VTCN1: variants seen among roughly 807,000 people sequenced by gnomAD.
VTCN1 encodes V-set domain-containing T-cell activation inhibitor 1.
A neutral mutation model predicts 26.5 loss-of-function variants in VTCN1; 26 were observed. That is an observed-to-expected ratio of 0.98 (90% CI 0.72 to 1.36). The LOEUF (loss-of-function observed/expected upper bound fraction) is 1.36, where lower values mean the gene tolerates loss of function less well. VTCN1 is among the 40% of genes most tolerant of loss of function. The probability of loss-of-function intolerance (pLI) is 0.00; values close to 1 mark genes in which losing one functional copy is unlikely to be tolerated. For missense variants in VTCN1, 298 were observed against 337.7 expected, an observed-to-expected ratio of 0.88 and a Z score of 0.92; for synonymous variants, 116 against 130.7, an observed-to-expected ratio of 0.89 and a Z score of 0.77.
rs117262855 is a variant in VTCN1, at chr1:117,167,470, T to G, written c.97+2637A>C. 1.9e-4 allele frequency among the ~76,000 whole-genome samples: 29 copies of G among 152,378 alleles called. No individual in the cohort carries two copies. The East Asian group carries it at 5.6e-3, about 29-fold the overall frequency. Reference sequence around the variant, plus strand: ...TAGAATCATACAGAACTTACTCTTTTGTGCTCTTCTGTAGTTCCACATTAT... The same window carrying G: ...TAGAATCATACAGAACTTACTCTTTGGTGCTCTTCTGTAGTTCCACATTAT... On this transcript the variant is annotated intron_variant, in intron 2 of 5. Transcript: ENST00000369458. The surrounding 1 kb of genome is among the most constrained non-coding windows in gnomAD (Gnocchi z 4.1).
chr1:117,176,421 A>G (rs943516911), intron 1 of VTCN1, among the ~76,000 whole-genome samples: 3 of 151,482 alleles, frequency 2.0e-5, no homozygotes, highest in Non-Finnish European at 4.4e-5. Context: ...CACCTTTTCT[A>G]AAAACAAGAG....
chr1:117,179,986 T>C (rs1647591605), intron 1 of VTCN1, among the ~76,000 whole-genome samples: 1 of 152,204 alleles, frequency 6.6e-6, no homozygotes, highest in South Asian at 2.1e-4. Flanking sequence ...TTAACCATTA[T>C]CCCATATTTT....
intron 1 of VTCN1, among the ~76,000 whole-genome samples, chr1:117,209,665 C>T (rs1229994218): frequency 2.0e-5 from 3 of 152,178 alleles, no homozygotes; most frequent in Non-Finnish European, 2.9e-5. Flanking sequence ...CCCCTGCCAC[C>T]CACTGCTTCT....
intron 1 of VTCN1, among the ~76,000 whole-genome samples, chr1:117,198,522 G>GA (rs1648626261): frequency 6.6e-6 from 1 of 152,174 alleles, no homozygotes; most frequent in African/African-American, 2.4e-5. Context: ...TGGCTCCAGT[G>GA]GCTGCAGAAA....
rs529689815 is a variant in VTCN1 at position 117,147,447 on chromosome 1, T to C, written c.*45+166A>G. The stretch of plus-strand genomic sequence containing the variant: ...TGTCAATGAAGTCTATGCTGTTTGC[T>C]GACCTAACAAATGATTACCTTTCCC... On this transcript the variant is annotated intron_variant, in intron 5 of 5. Transcript: ENST00000369458. This position sits in a 1 kb window ranked among gnomAD's most constrained non-coding sequence, Gnocchi z 4.6. 6.6e-6 allele frequency among the ~76,000 whole-genome samples: 1 copy of C among 152,372 alleles called. No individual in the cohort carries two copies. The highest frequency in any genetic ancestry group is 1.9e-4 in the East Asian group (1 of 5,194).
intron 1 of VTCN1, among the ~76,000 whole-genome samples, chr1:117,194,241 C>T (rs1023849482): frequency 2.6e-5 from 4 of 151,858 alleles, no homozygotes; most frequent in African/African-American, 7.3e-5. Context: ...AAAGAAGATA[C>T]GTAAATGGCT....
At chr1:117,156,016 CT>C (rs1426407569) in intron 3 of VTCN1, among the ~76,000 whole-genome samples, 1 of 152,188 alleles carries the variant, frequency 6.6e-6, no homozygotes, top group African/African-American at 2.4e-5. Flanking sequence ...GTTTAATCAT[CT>C]TTATACTCTC....
intron 2 of VTCN1, among the ~76,000 whole-genome samples, chr1:117,165,346 TATC>T (rs1652555378): frequency 6.6e-6 from 1 of 152,226 alleles, no homozygotes. Context: ...ATTCAAAAGA[TATC>T]ATCATGATAA....
intron 1 of VTCN1, among the ~76,000 whole-genome samples, chr1:117,180,126 A>G (rs1483176777): frequency 6.6e-6 from 1 of 152,156 alleles, no homozygotes; most frequent in Non-Finnish European, 1.5e-5. Flanking sequence ...TCTCCCCCCC[A>G]GGAAGTGTCT....
intron 2 of VTCN1, among the ~76,000 whole-genome samples, chr1:117,168,704 A>G (rs1003021420): frequency 6.6e-6 from 1 of 152,200 alleles, no homozygotes; most frequent in Non-Finnish European, 1.5e-5. Context: ...AAAAAGAGAA[A>G]GACAAATACC....
chr1:117,179,838 G>A (rs554065313), intron 1 of VTCN1, among the ~76,000 whole-genome samples: 61 of 152,174 alleles, frequency 4.0e-4, no homozygotes, highest in African/African-American at 9.4e-4. Context: ...GACGACCTAC[G>A]GAGATAGATA....
intron 1 of VTCN1, among the ~76,000 whole-genome samples, chr1:117,173,962 G>C (rs954042463): frequency 1.3e-5 from 2 of 152,208 alleles, no homozygotes; most frequent in African/African-American, 2.4e-5. Context: ...ATCACCGTGA[G>C]GTTTGTTCTG....
chr1:117,178,427 TTTG>T (rs1178210803), intron 1 of VTCN1, among the ~76,000 whole-genome samples: 1 of 151,280 alleles, frequency 6.6e-6, no homozygotes, highest in East Asian at 1.9e-4. Context: ...TGGCTAATTT[TTTG>T]TATTTTTAGT....
At chr1:117,181,043 C>T (rs927619691) in intron 1 of VTCN1, among the ~76,000 whole-genome samples, 1 of 152,176 alleles carries the variant, frequency 6.6e-6, no homozygotes, top group Non-Finnish European at 1.5e-5. Context: ...CGACTTTTTC[C>T]ACAGGGCTAT....
chr1:117,188,366 TA>T (rs1648069202), intron 1 of VTCN1, among the ~76,000 whole-genome samples: 1 of 152,118 alleles, frequency 6.6e-6, no homozygotes, highest in African/African-American at 2.4e-5. Context: ...TCCTCACCAA[TA>T]GGAATAACCG....
chr1:117,193,244 T>A (rs77986007), intron 1 of VTCN1, among the ~76,000 whole-genome samples: 3 of 152,070 alleles, frequency 2.0e-5, no homozygotes, highest in Admixed American at 1.3e-4. Context: ...TAGGGATGAC[T>A]GTACTTACCT....
chr1:117,154,868 C>T (rs1474867884), intron 3 of VTCN1, among the ~76,000 whole-genome samples: 7 of 151,472 alleles, frequency 4.6e-5, no homozygotes, highest in Non-Finnish European at 1.0e-4. Flanking sequence ...CAACTAAATT[C>T]CAGATTTGAT....
At chr1:117,205,545 C>A (rs1435936677) in intron 1 of VTCN1, among the ~76,000 whole-genome samples, 1 of 152,116 alleles carries the variant, frequency 6.6e-6, no homozygotes, top group Non-Finnish European at 1.5e-5. Flanking sequence ...CAACACAGAC[C>A]AACAATCCAC....
At chr1:117,171,395 T>C (rs1452409279) in intron 1 of VTCN1, among the ~76,000 whole-genome samples, 1 of 152,186 alleles carries the variant, frequency 6.6e-6, no homozygotes, top group Non-Finnish European at 1.5e-5. Context: ...GGTCAAATGG[T>C]ACTTCTGGTT....
Sources: gnomAD v4.1 joint callset for allele counts (sites outside exome capture counted in the v4.1 genomes callset) on GRCh38, gnomAD v4.1.1 for gene constraint, Gnocchi (gnomAD v3.1) non-coding constraint, MANE v1.5 for transcripts, NCBI Gene and HGNC (gene_info 2026-07-23, HGNC 2026-07-21) for gene names.